The following CLEC12A variants were observed in gnomAD, a reference collection of about 807,000 sequenced individuals.
CLEC12A encodes the protein C-type lectin domain family 12 member A, also known as C-type lectin protein CLL-1.
Under a neutral mutation model 26.5 loss-of-function variants are expected in CLEC12A, and 22 were observed. The ratio of observed to expected loss-of-function variants is 0.83; its 90% CI spans 0.59 to 1.19. The LOEUF (loss-of-function observed/expected upper bound fraction) is 1.19. CLEC12A is among the 50% of genes most tolerant of loss of function. The probability of loss-of-function intolerance (pLI) is 0.00; values close to 1 mark genes in which losing one functional copy is unlikely to be tolerated. For missense variants in CLEC12A, 353 were observed against 315.6 expected (o/e 1.12, Z -0.90); for synonymous variants, 119 against 101.9 (o/e 1.17, Z -1.01).
chr12:9,963,043 T>C (rs540021795), intron 1 of CLEC12A, among the ~76,000 whole-genome samples: 2 of 152,200 alleles, frequency 1.3e-5, no homozygotes, highest in South Asian at 4.2e-4. Context: ...GGGGTGATAT[T>C]GTGGAGTTGC....
intron 3 of CLEC12A, among the ~76,000 whole-genome samples, chr12:9,980,173 GGAAGACACACTTGAATC>G (rs575317520): frequency 6.6e-5 from 10 of 152,244 alleles, no homozygotes; most frequent in African/African-American, 2.4e-4. Flanking sequence ...AATTGACATA[GGAAGACACACTTGAATC>G]CAAGTGCTTA....
At chr12:10,002,440 G>GTTTT in the CLEC12A span, among the ~76,000 whole-genome samples, 7 of 40,482 alleles carry the variant, frequency 1.7e-4, no homozygotes, top group Non-Finnish European at 2.5e-4. Context: ...GTTGGGTAAT[G>GTTTT]TTTTTTTTTT....
chr12:9,962,599 AG>A (rs2137108599), intron 1 of CLEC12A, among the ~76,000 whole-genome samples: 1 of 152,228 alleles, frequency 6.6e-6, no homozygotes. Flanking sequence ...GGGAAATTAC[AG>A]TCAAAGGGGG....
intron 1 of CLEC12A, among the ~76,000 whole-genome samples, chr12:9,953,602 T>A (rs780062485): frequency 7.0e-6 from 1 of 143,114 alleles, no homozygotes; most frequent in African/African-American, 2.6e-5. Flanking sequence ...GTCAGCCCCC[T>A]GCCCGGCCAG....
At chr12:10,003,758 A>G in the CLEC12A span, among the ~76,000 whole-genome samples, 1 of 152,016 alleles carries the variant, frequency 6.6e-6, no homozygotes, top group Non-Finnish European at 1.5e-5. Flanking sequence ...TACCAAAAAA[A>G]TACAAAACTT....
At chr12:9,976,764 A>G (rs1161693197) in intron 1 of CLEC12A, among the ~76,000 whole-genome samples, 1 of 152,184 alleles carries the variant, frequency 6.6e-6, no homozygotes, top group Non-Finnish European at 1.5e-5. Flanking sequence ...CTTGAATTAT[A>G]GCTCCCACAA....
intron 5 of CLEC12A, 93 bp from the exon 6 acceptor site, chr12:9,984,777 C>A (rs1025360340): frequency 7.4e-5 from 85 of 1,152,554 alleles, no homozygotes; most frequent in Non-Finnish European, 9.2e-5. Flanking sequence ...GAGTCTAGGG[C>A]AATAATATCA....
intron 4 of CLEC12A, chr12:9,991,638 T>G (rs1246549796): frequency 6.6e-6 from 1 of 152,146 alleles, no homozygotes; most frequent in Admixed American, 6.6e-5. Context: ...ATCTGCTTAA[T>G]TATTGATAGG....
At chr12:9,968,160 G>C (rs1352343055), upstream of CLEC12A, among the ~76,000 whole-genome samples, 2 of 152,184 alleles carry the variant, frequency 1.3e-5, no homozygotes, top group African/African-American at 4.8e-5. Context: ...GGGCTAGTTG[G>C]TCTGAGGACC....
downstream of CLEC12A, among the ~76,000 whole-genome samples, chr12:9,989,148 G>A (rs1183126343): frequency 6.7e-6 from 1 of 149,666 alleles, no homozygotes; most frequent in Non-Finnish European, 1.5e-5. Context: ...TCACTCATAG[G>A]TGGGAATTGA....
At chr12:9,963,878 C>T (rs994649634) in intron 1 of CLEC12A, among the ~76,000 whole-genome samples, 1 of 152,050 alleles carries the variant, frequency 6.6e-6, no homozygotes, top group Non-Finnish European at 1.5e-5. Context: ...GGGGTAACTG[C>T]GTAGAGGGGG....
At chr12:9,994,512 G>A (rs549777295) in intron 4 of CLEC12A, among the ~76,000 whole-genome samples, 21 of 152,202 alleles carry the variant, frequency 1.4e-4, no homozygotes, top group Admixed American at 7.2e-4. Flanking sequence ...TATACAGGAT[G>A]AACAAAAGAT....
chr12:9,975,160 G>C (rs1357401457), intron 1 of CLEC12A, among the ~76,000 whole-genome samples: 1 of 152,120 alleles, frequency 6.6e-6, no homozygotes, highest in East Asian at 1.9e-4. Context: ...TCAGTCGTGT[G>C]AAAATGAACT....
At chr12:9,988,291 G>T (rs1044947548), downstream of CLEC12A, among the ~76,000 whole-genome samples, 1 of 152,152 alleles carries the variant, frequency 6.6e-6, no homozygotes, top group African/African-American at 2.4e-5. Context: ...TACCATTCAG[G>T]ACACAGGCAT....
downstream of CLEC12A, chr12:9,999,204 TTAG>T: frequency 1.3e-6 from 1 of 761,316 alleles, no homozygotes; most frequent in Admixed American, 2.1e-5. Flanking sequence ...CTTCCTGTCT[TTAG>T]TAGGGTAGAA....
chr12:9,957,159 G>A (rs1346368439), intron 1 of CLEC12A, among the ~76,000 whole-genome samples: 1 of 152,116 alleles, frequency 6.6e-6, no homozygotes, highest in Non-Finnish European at 1.5e-5. Flanking sequence ...ATATTTAAAG[G>A]GGAAAGGGCA....
Position 9,995,273 on chromosome 12 carries a change from G to A in CLEC12A, n.1260G>A, listed in dbSNP as rs994402029. ...TATTGTAAACATAAATAAACACAATGGTCAGAATCCCTCCACAGCTCTTGG... is the reference window on the plus strand; with the variant it reads ...TATTGTAAACATAAATAAACACAATAGTCAGAATCCCTCCACAGCTCTTGG... On this transcript the variant is annotated non_coding_transcript_exon_variant, in exon 5 of 5. Coordinates refer to the CLEC12A transcript ENST00000449959. The A allele has an allele frequency of 1.9e-6, 3 of 1,563,590 alleles. No individual in the cohort carries two copies. The African/African-American group carries it at 4.1e-5, about 21-fold the overall frequency.
upstream of CLEC12A, among the ~76,000 whole-genome samples, chr12:9,971,089 C>A (rs1044777822): frequency 9.2e-5 from 14 of 152,044 alleles, no homozygotes; most frequent in African/African-American, 3.4e-4. Context: ...TCTATCAGGA[C>A]CTTCATCATC....
In CLEC12A at chr12:9,995,045, A is replaced by T. The variant is rs745603238; in HGVS notation, n.1032A>T. The T allele has an allele frequency of 1.9e-6, 3 of 1,588,596 alleles. No individual in the cohort carries two copies. In the African/African-American group the frequency reaches 4.0e-5, roughly 21 times the overall value. On this transcript the variant is annotated non_coding_transcript_exon_variant, in exon 5 of 5. Transcript: ENST00000449959. ...GGTAAGTGACCCAGCTGCTGCTTCT[A>T]TAACCCATAGTAGTGACTTGGACTG...
Sources: gnomAD v4.1 joint callset for allele counts (sites outside exome capture counted in the v4.1 genomes callset) on GRCh38, gnomAD v4.1.1 for gene constraint, MANE v1.5 for transcripts, NCBI Gene and HGNC (gene_info 2026-07-23, HGNC 2026-07-21) for gene names.